Variants in SLC22A25 observed in about 807,000 individuals in gnomAD.
SLC22A25 encodes the protein MGI:2442751, MGI:2385316, MGI:3042283, MGI:3645714, MGI:3605624, MGI:2442750.
SLC22A25 carries 44 observed loss-of-function variants against 45.9 expected under a neutral mutation model. The observed-to-expected ratio is 0.96, with a 90% CI of 0.75 to 1.23. The LOEUF (loss-of-function observed/expected upper bound fraction) is 1.23. Ranked by LOEUF, SLC22A25 falls within the 50% of genes most tolerant of loss-of-function variation. SLC22A25 has a pLI of 0.00. For missense variants in SLC22A25, 800 were observed against 666.4 expected, an observed-to-expected ratio of 1.20 and a Z score of -2.21; for synonymous variants, 283 against 238.6, an observed-to-expected ratio of 1.19 and a Z score of -1.72.
chr11:63,187,833 A>C (rs1051081227), intron 7 of SLC22A25, among the ~76,000 whole-genome samples: 11 of 152,166 alleles, frequency 7.2e-5, no homozygotes, highest in African/African-American at 2.7e-4. Flanking sequence ...TTCTCTTTAT[A>C]TGCTGGATTA....
rs908753725 is a variant in SLC22A25 at position 63,180,679 on chromosome 11, A to C, written c.1051T>G (p.Cys351Gly). 1 of 1,612,440 alleles carries C rather than the reference A, an allele frequency of 6.2e-7. No individual in the cohort carries two copies. The highest frequency in any genetic ancestry group is 1.7e-5 in the Admixed American group (1 of 59,708). ...LRIPNICKRI[C>G]FLSFVRFAST... ...ACTTACCTCACAAAGGACAGGAAAC[A>C]GATTCTTTTACATATGTTGGGTATG... The change falls in exon 9 of 12, where the codon TGT (cysteine) becomes GGT (glycine). Residue 351 changes from cysteine to glycine, a missense_variant. Physicochemically the swap from Cys to Gly is radical, Grantham distance 159. Transcript: ENST00000306494.
intron 5 of SLC22A25, among the ~76,000 whole-genome samples, chr11:63,224,971 C>A (rs11231416): frequency 1.3e-5 from 2 of 151,430 alleles, no homozygotes; most frequent in South Asian, 4.2e-4. Flanking sequence ...TGGTGGCGGG[C>A]GCCTGTAGTC....
chr11:63,228,481 T>C lies in SLC22A25; in HGVS notation c.486A>G (p.Leu162=). The C allele has an allele frequency of 1.9e-6, 3 of 1,613,216 alleles. No homozygotes were observed. The highest frequency in any genetic ancestry group is 2.5e-6 in the Non-Finnish European group (3 of 1,179,306). The change falls in exon 5 of 12, where the codon CTA becomes CTG. Residue 162 remains leucine, a synonymous_variant. Coordinates refer to ENST00000306494, the MANE Select transcript of SLC22A25 (RefSeq NM_199352.6). ...CTCACCTGTCTGACAAATGGCCATA[T>C]AGGTTGCCTCCCACCATCATTCCAG... ...FMAGMMVGGN[L]YGHLSDRFGR...
chr11:63,217,935 T>C, intron 5 of SLC22A25, 200 bp from the exon 6 acceptor site: 1 of 677,552 alleles, frequency 1.5e-6, no homozygotes, highest in South Asian at 1.9e-5. Context: ...ACTGAGTGTA[T>C]AAAAGTTTCT....
intron 3 of SLC22A25, among the ~76,000 whole-genome samples, chr11:63,232,478 G>A (rs954531152): frequency 2.0e-5 from 3 of 152,146 alleles, no homozygotes; most frequent in Non-Finnish European, 2.9e-5. Context: ...TTTGCACATT[G>A]ATTTTGTATC....
At chr11:63,209,674 A>G (rs2089505624) in intron 7 of SLC22A25, among the ~76,000 whole-genome samples, 1 of 152,184 alleles carries the variant, frequency 6.6e-6, no homozygotes, top group African/African-American at 2.4e-5. Context: ...GTTTACGTTT[A>G]TCAGCCTTTC....
intron 9 of SLC22A25, among the ~76,000 whole-genome samples, chr11:63,175,844 T>TATATATATATATA (rs1344355868): frequency 6.6e-6 from 1 of 151,898 alleles, no homozygotes; most frequent in African/African-American, 2.4e-5. Context: ...TATATACACA[T>TATATATATATATA]TTTAATAAAG....
At chr11:63,169,253 T>A (rs2087792152) in intron 9 of SLC22A25, among the ~76,000 whole-genome samples, 1 of 152,152 alleles carries the variant, frequency 6.6e-6, no homozygotes, top group Non-Finnish European at 1.5e-5. Context: ...ATGTAGAAAC[T>A]GCATCAACTA....
chr11:63,235,080 ATTTCTTCG>A (rs2090140276), intron 3 of SLC22A25, among the ~76,000 whole-genome samples: 1 of 151,616 alleles, frequency 6.6e-6, no homozygotes, highest in Admixed American at 6.6e-5. Context: ...TTTTTCCTTC[ATTTCTTCG>A]TTTCAACTTT....
At position 63,221,221 on chromosome 11, in the gene SLC22A25, G is replaced by T. The variant is rs2089846156; in HGVS notation, c.507-3486C>A. Among the ~76,000 whole-genome samples, 4 of 152,226 alleles carry T rather than the reference G, an allele frequency of 2.6e-5. No homozygotes were observed. In the South Asian group the frequency reaches 8.3e-4, roughly 32 times the overall value. On this transcript the variant is annotated intron_variant, in intron 5 of 11. Coordinates refer to ENST00000306494, the MANE Select transcript of SLC22A25 (RefSeq NM_199352.6). ...CTCCAAATTGTTTTCCATGGGAGTT[G>T]TACTAAGTTATATTCCCACCAACAG...
intron 7 of SLC22A25, among the ~76,000 whole-genome samples, chr11:63,202,785 G>A (rs572949696): frequency 3.0e-4 from 45 of 152,314 alleles, no homozygotes; most frequent in African/African-American, 8.9e-4. Flanking sequence ...GTGGATCTCC[G>A]AGCACAGTGC....
intron 5 of SLC22A25, among the ~76,000 whole-genome samples, chr11:63,221,129 TG>T (rs1160442242): frequency 6.6e-6 from 1 of 152,202 alleles, no homozygotes; most frequent in Non-Finnish European, 1.5e-5. Context: ...ATTTCCTTTT[TG>T]GGTGTGTACC....
At chr11:63,210,540 G>A (rs767909423) in intron 7 of SLC22A25, among the ~76,000 whole-genome samples, 15 of 152,166 alleles carry the variant, frequency 9.9e-5, no homozygotes, top group Non-Finnish European at 1.5e-4. Flanking sequence ...TCTAACACCC[G>A]AGTGTGGCAT....
At chr11:63,191,020 C>T (rs185060981) in intron 7 of SLC22A25, among the ~76,000 whole-genome samples, 5 of 152,326 alleles carry the variant, frequency 3.3e-5, no homozygotes, top group Non-Finnish European at 4.4e-5. Flanking sequence ...AGGCAGTCTG[C>T]CCATTCTCAG....
intron 1 of SLC22A25, among the ~76,000 whole-genome samples, chr11:63,239,943 T>C (rs2090221093): frequency 6.6e-6 from 1 of 152,196 alleles, no homozygotes; most frequent in Non-Finnish European, 1.5e-5. Context: ...GTCATGCATC[T>C]CAAAACAACA....
chr11:63,206,815 G>A (rs572029115), intron 7 of SLC22A25, among the ~76,000 whole-genome samples: 7 of 152,154 alleles, frequency 4.6e-5, no homozygotes, highest in East Asian at 1.9e-4. Flanking sequence ...AAGAGCCTAC[G>A]TAGCCAAGGC....
At chr11:63,177,839 G>GTGTATATATATAATGTATATATATAA (rs2088152468) in intron 9 of SLC22A25, among the ~76,000 whole-genome samples, 2 of 51,762 alleles carry the variant, frequency 3.9e-5, no homozygotes, top group Non-Finnish European at 7.5e-5. Context: ...TATATAATGT[G>GTGTATATATATAATGTATATATATAA]TATATATATA....
intron 8 of SLC22A25, among the ~76,000 whole-genome samples, chr11:63,181,054 T>A (rs1365013709): frequency 1.3e-5 from 2 of 152,058 alleles, no homozygotes; most frequent in African/African-American, 4.8e-5. Context: ...GAGATTCAGA[T>A]CAGGATGGGG....
intron 7 of SLC22A25, among the ~76,000 whole-genome samples, chr11:63,207,912 T>C (rs948262243): frequency 2.6e-5 from 4 of 152,144 alleles, no homozygotes; most frequent in African/African-American, 9.7e-5. Context: ...TGCACAGATC[T>C]CCCCCTACCC....
Sources: allele counts gnomAD v4.1 joint callset (sites outside exome capture counted in the v4.1 genomes callset), GRCh38; gene constraint gnomAD v4.1.1; transcripts MANE v1.5; gene names NCBI Gene and HGNC (gene_info 2026-07-23, HGNC 2026-07-21).